Variants in UMAD1 observed in about 807,000 individuals in gnomAD.
The protein encoded by UMAD1 is UBAP1-MVB12-associated (UMA) domain containing 1.
In UMAD1, 8 loss-of-function variants were observed where a neutral mutation model predicts 6.1. The observed-to-expected ratio is 1.30, with a 90% CI of 0.76 to 2.35. The LOEUF is 2.35. UMAD1 is among the 30% of genes most tolerant of loss of function. The pLI, the probability that UMAD1 is intolerant of heterozygous loss-of-function variation, is 0.00. For synonymous variants in UMAD1, 56 were observed against 31.4 expected (o/e 1.78, Z -2.61); for missense variants, 130 against 78.4 (o/e 1.66, Z -2.49).
chr7:7,741,492 G>T (rs1056021178), intron 2 of UMAD1, among the ~76,000 whole-genome samples: 1 of 151,546 alleles, frequency 6.6e-6, no homozygotes, highest in African/African-American at 2.4e-5. Context: ...CAGGAGAATG[G>T]CGTGAACCCA....
intron 2 of UMAD1, among the ~76,000 whole-genome samples, chr7:7,708,584 A>G (rs1030276881): frequency 2.6e-5 from 4 of 152,204 alleles, no homozygotes; most frequent in Non-Finnish European, 5.9e-5. Context: ...ACCTTTAAAA[A>G]TAAGTCAACA....
intron 2 of UMAD1, chr7:7,741,852 T>C (rs1781475027): frequency 4.9e-6 from 1 of 203,050 alleles, no homozygotes; most frequent in Non-Finnish European, 1.0e-5. Context: ...TTATTAAAAA[T>C]AGAACACCTT....
intron 2 of UMAD1, among the ~76,000 whole-genome samples, chr7:7,773,229 G>T (rs929622684): frequency 3.9e-5 from 6 of 152,158 alleles, no homozygotes; most frequent in African/African-American, 1.2e-4. Flanking sequence ...AAGTTGTGAG[G>T]CTGCTTTTTA....
intron 3 of UMAD1, among the ~76,000 whole-genome samples, chr7:7,807,390 A>G (rs1285131603): frequency 6.6e-6 from 1 of 152,164 alleles, no homozygotes; most frequent in Non-Finnish European, 1.5e-5. Flanking sequence ...AAATTGCTTT[A>G]CACACGTGAA....
intron 2 of UMAD1, among the ~76,000 whole-genome samples, chr7:7,782,837 C>G (rs1386983837): frequency 6.7e-6 from 1 of 149,356 alleles, no homozygotes; most frequent in African/African-American, 2.5e-5. Context: ...TCGAGCGATT[C>G]TCCTGCCTCA....
intron 2 of UMAD1, among the ~76,000 whole-genome samples, chr7:7,675,479 A>T (rs1252102745): frequency 6.6e-6 from 1 of 152,194 alleles, no homozygotes; most frequent in Admixed American, 6.5e-5. Flanking sequence ...CCCAGTTTCC[A>T]GGGCCTTCTG....
chr7:7,843,431 C>T (rs1420398081), intron 3 of UMAD1, among the ~76,000 whole-genome samples: 1 of 152,160 alleles, frequency 6.6e-6, no homozygotes, highest in Non-Finnish European at 1.5e-5. Flanking sequence ...GAGTACTGTT[C>T]TTCCGATTGC....
intron 3 of UMAD1, among the ~76,000 whole-genome samples, chr7:7,849,778 G>A (rs925536173): frequency 7.0e-6 from 1 of 141,928 alleles, no homozygotes; most frequent in African/African-American, 2.8e-5. Context: ...ATAATCTGTG[G>A]ATTGAAACAG....
intron 3 of UMAD1, among the ~76,000 whole-genome samples, chr7:7,835,162 T>A (rs577665269): frequency 6.6e-6 from 1 of 152,194 alleles, no homozygotes; most frequent in South Asian, 2.1e-4. Context: ...TCAAAGACTA[T>A]GAGAAGTATA....
intron 3 of UMAD1, among the ~76,000 whole-genome samples, chr7:7,822,288 T>C (rs567975919): frequency 6.6e-6 from 1 of 152,188 alleles, no homozygotes; most frequent in African/African-American, 2.4e-5. Context: ...CTGATAATAA[T>C]GAAATCTGTA....
intron 2 of UMAD1, among the ~76,000 whole-genome samples, chr7:7,777,254 C>T (rs1403189626): frequency 6.6e-6 from 1 of 151,922 alleles, no homozygotes; most frequent in Non-Finnish European, 1.5e-5. Flanking sequence ...TCCCTGTAAT[C>T]CCAGTACTTT....
chr7:7,831,564 TG>T (rs1275298760), intron 3 of UMAD1, among the ~76,000 whole-genome samples: 1 of 152,164 alleles, frequency 6.6e-6, no homozygotes, highest in Non-Finnish European at 1.5e-5. Flanking sequence ...GGCTCTTTTT[TG>T]TTGATTACGT....
intron 3 of UMAD1, among the ~76,000 whole-genome samples, chr7:7,835,024 G>T (rs1300461392): frequency 7.9e-5 from 12 of 152,174 alleles, no homozygotes; most frequent in Non-Finnish European, 1.8e-4. Context: ...AACAGCATGG[G>T]GGAGACTGCC....
chr7:7,659,377 G>A (rs1785420259), intron 1 of UMAD1, among the ~76,000 whole-genome samples: 1 of 152,040 alleles, frequency 6.6e-6, no homozygotes, highest in African/African-American at 2.4e-5. Context: ...TGCTTCTCTA[G>A]TTCTTTTAAT....
intron 3 of UMAD1, among the ~76,000 whole-genome samples, chr7:7,837,741 T>C (rs777240279): frequency 6.6e-6 from 1 of 152,114 alleles, no homozygotes; most frequent in Non-Finnish European, 1.5e-5. Context: ...CTATACTATA[T>C]GTAAATTAAA....
At chr7:7,782,882 AC>A (rs1300845855) in intron 2 of UMAD1, among the ~76,000 whole-genome samples, 1 of 151,912 alleles carries the variant, frequency 6.6e-6, no homozygotes, top group Non-Finnish European at 1.5e-5. Flanking sequence ...GATGCACGCC[AC>A]CACACCCAGC....
At chr7:7,716,166 T>C (rs2160138) in intron 2 of UMAD1, among the ~76,000 whole-genome samples, 62,154 of 151,968 alleles carry the variant, frequency 0.41, 13,201 homozygotes, top group Middle Eastern at 0.53. Context: ...GCAATCCAGC[T>C]GCAAAAATTA....
intron 3 of UMAD1, among the ~76,000 whole-genome samples, chr7:7,810,323 T>C (rs1278976884): frequency 2.6e-5 from 4 of 152,088 alleles, no homozygotes; most frequent in African/African-American, 9.7e-5. Flanking sequence ...CATAAAGATG[T>C]TAATATACTT....
intron 2 of UMAD1, among the ~76,000 whole-genome samples, chr7:7,725,805 T>C (rs965250365): frequency 1.3e-5 from 2 of 152,202 alleles, no homozygotes; most frequent in Non-Finnish European, 2.9e-5. Context: ...ACTGCACCAA[T>C]GGCCTTTTGG....
Sources: allele counts gnomAD v4.1 joint callset (sites outside exome capture counted in the v4.1 genomes callset), GRCh38; gene constraint gnomAD v4.1.1; transcripts MANE v1.5; gene names NCBI Gene and HGNC (gene_info 2026-07-23, HGNC 2026-07-21).